The following UGGT2 variants were observed in gnomAD, a reference collection of about 807,000 sequenced individuals.
UGGT2 encodes the protein UDP-glucose glycoprotein glucosyltransferase 2.
In UGGT2, 180 loss-of-function variants were observed where a neutral mutation model predicts 192.1. That is an observed-to-expected ratio of 0.94 (90% confidence interval 0.83 to 1.06). The LOEUF is 1.06. UGGT2 is among the 50% of genes least tolerant of loss of function. The probability of loss-of-function intolerance (pLI) is 0.00; values close to 1 mark genes in which losing one functional copy is unlikely to be tolerated. For synonymous variants in UGGT2, 580 were observed against 591.0 expected, an observed-to-expected ratio of 0.98 and a Z score of 0.27; for missense variants, 1,849 against 1,795.7, an observed-to-expected ratio of 1.03 and a Z score of -0.54.
chr13:95,821,180 G>A (rs899685331), intron 38 of UGGT2, among the ~76,000 whole-genome samples: 6 of 151,994 alleles, frequency 3.9e-5, no homozygotes, highest in Admixed American at 6.6e-5. Context: ...TTTCCATAGA[G>A]GCTGCACTAA....
chr13:95,991,607 C>A lies in UGGT2; in HGVS notation c.831-1534G>T, dbSNP rs73562932. Reference sequence around the variant, plus strand: ...GTGGGATCATGTTTTGAAAACAAATCAAAATTGCTATGATAATAAAAGTAC... The same window carrying A: ...GTGGGATCATGTTTTGAAAACAAATAAAAATTGCTATGATAATAAAAGTAC... On this transcript the variant is annotated intron_variant, in intron 7 of 38. Coordinates refer to ENST00000376747, the MANE Select transcript of UGGT2 (RefSeq NM_020121.4). The A allele has an allele frequency of 8.6e-3, 1,775 of 207,138 alleles. 38 individuals are homozygous for A. Among genetic ancestry groups the A allele is most frequent in the African/African-American group, 0.038 (1,665 of 43,468 alleles). The allele number at this position is 207,138 out of a possible 1,614,324, so 12.8% of individuals were successfully genotyped here.
chr13:95,935,283 G>A (rs759721010), intron 17 of UGGT2, among the ~76,000 whole-genome samples: 1 of 152,132 alleles, frequency 6.6e-6, no homozygotes, highest in Non-Finnish European at 1.5e-5. Context: ...ATGCTTTATA[G>A]GGTCTGTGGG....
chr13:95,974,225 T>G lies in UGGT2; in HGVS notation c.1093-1554A>C, dbSNP rs79373361. On this transcript the variant is annotated intron_variant, in intron 10 of 38. Coordinates refer to ENST00000376747, the MANE Select transcript of UGGT2 (RefSeq NM_020121.4). ...ATGAAAAGGTTCAGAGGTAAAATTTTTATTTGTCTTTAGCTACTTTAGATG... is the reference window on the plus strand; with the variant it reads ...ATGAAAAGGTTCAGAGGTAAAATTTGTATTTGTCTTTAGCTACTTTAGATG... Among the ~76,000 whole-genome samples, 988 of 152,328 alleles carry G rather than the reference T, an allele frequency of 6.5e-3. 10 individuals are homozygous for G. Among genetic ancestry groups the G allele is most frequent in the African/African-American group, 0.023 (950 of 41,578 alleles).
chr13:95,873,210 A>G (rs1405211215), intron 29 of UGGT2, among the ~76,000 whole-genome samples: 7 of 152,254 alleles, frequency 4.6e-5, no homozygotes, highest in Admixed American at 3.3e-4. Flanking sequence ...TCTTAAAATT[A>G]TATCTTGAAA....
At chr13:95,841,681 C>A (rs903047023) in intron 36 of UGGT2, among the ~76,000 whole-genome samples, 1 of 152,214 alleles carries the variant, frequency 6.6e-6, no homozygotes. Context: ...TTAAAGCATA[C>A]AAGTCTTTAA....
At chr13:95,868,492 G>A (rs960371687) in intron 29 of UGGT2, among the ~76,000 whole-genome samples, 1 of 152,144 alleles carries the variant, frequency 6.6e-6, no homozygotes, top group Non-Finnish European at 1.5e-5. Context: ...AGCTAGTCAG[G>A]AGGCTGAAGT....
chr13:95,911,714 A>G (rs1410848518), intron 20 of UGGT2, among the ~76,000 whole-genome samples: 7 of 151,488 alleles, frequency 4.6e-5, no homozygotes, highest in African/African-American at 1.7e-4. Flanking sequence ...AAAAAGAGAG[A>G]ATCCTCCCTA....
intron 16 of UGGT2, 83 bp downstream of exon 16, chr13:95,939,874 A>T: frequency 1.7e-6 from 2 of 1,188,644 alleles, no homozygotes; most frequent in Non-Finnish European, 2.3e-6. Context: ...GACTTTTTTT[A>T]AAGATTCTAC....
intron 20 of UGGT2, among the ~76,000 whole-genome samples, chr13:95,911,967 C>T (rs1331477396): frequency 1.3e-5 from 2 of 152,172 alleles, no homozygotes; most frequent in African/African-American, 4.8e-5. Context: ...ATCATATAAA[C>T]AGAATCAACA....
chr13:95,871,125 A>T (rs567305422), intron 29 of UGGT2, among the ~76,000 whole-genome samples: 15 of 152,252 alleles, frequency 9.9e-5, no homozygotes, highest in Non-Finnish European at 1.9e-4. Flanking sequence ...ACTGTGATCA[A>T]TAGTGAATTC....
intron 22 of UGGT2, among the ~76,000 whole-genome samples, chr13:95,900,473 C>A (rs1320963272): frequency 6.6e-6 from 1 of 152,142 alleles, no homozygotes; most frequent in African/African-American, 2.4e-5. Context: ...ACTTGCTACA[C>A]CTACTACAAC....
intron 36 of UGGT2, among the ~76,000 whole-genome samples, chr13:95,838,847 T>C (rs1435544953): frequency 6.6e-6 from 1 of 152,100 alleles, no homozygotes; most frequent in African/African-American, 2.4e-5. Flanking sequence ...ATACTTTCAA[T>C]TTCATGGTGC....
chr13:95,976,476 A>T (rs2050941017), intron 10 of UGGT2, among the ~76,000 whole-genome samples: 1 of 151,578 alleles, frequency 6.6e-6, no homozygotes, highest in South Asian at 2.1e-4. Flanking sequence ...TCTATTTTTC[A>T]TTTTTTTTGT....
intron 20 of UGGT2, among the ~76,000 whole-genome samples, chr13:95,907,642 A>G (rs1398846747): frequency 2.6e-5 from 4 of 152,224 alleles, no homozygotes; most frequent in Non-Finnish European, 5.9e-5. Context: ...ACTCCAACAG[A>G]CTTGCAGCTG....
rs1030483102 is a variant in UGGT2 at position 95,877,354 on chromosome 13, T to C, written c.3398A>G (p.Gln1133Arg). The change falls in exon 29 of 39, where the codon CAA becomes CGA. Residue 1133 changes from glutamine to arginine, a missense_variant. Coordinates refer to ENST00000376747, the MANE Select transcript of UGGT2 (RefSeq NM_020121.4). ...CCAAGCACCTGGGTTTGCTTTTAAT[T>C]GAAAATACCCCTTTTAAGATGAGAA... ...TIVMAHHGYF[Q>R]LKANPGAWIL... 6.2e-7 allele frequency: 1 copy of C among 1,605,758 alleles called. No homozygotes were observed. Among genetic ancestry groups the C allele is most frequent in the Non-Finnish European group, 8.5e-7 (1 of 1,177,400 alleles).
At chr13:95,844,735 A>C (rs1179987002) in intron 36 of UGGT2, among the ~76,000 whole-genome samples, 2 of 152,202 alleles carry the variant, frequency 1.3e-5, no homozygotes, top group East Asian at 3.8e-4. Flanking sequence ...TTACCCGTCC[A>C]AGACAGCCAG....
intron 38 of UGGT2, among the ~76,000 whole-genome samples, chr13:95,828,674 T>C (rs1886312136): frequency 6.6e-6 from 1 of 151,984 alleles, no homozygotes; most frequent in Non-Finnish European, 1.5e-5. Flanking sequence ...AGGCAATAAT[T>C]AAGAGCCTAC....
At chr13:96,009,743 G>C (rs1594565455) in intron 5 of UGGT2, among the ~76,000 whole-genome samples, 1 of 152,162 alleles carries the variant, frequency 6.6e-6, no homozygotes, top group South Asian at 2.1e-4. Context: ...AAGAGGCGGA[G>C]GTTGCAGTGA....
intron 24 of UGGT2, among the ~76,000 whole-genome samples, chr13:95,891,199 C>G (rs2047791792): frequency 6.6e-6 from 1 of 151,930 alleles, no homozygotes; most frequent in Non-Finnish European, 1.5e-5. Context: ...TTTTTAAAAG[C>G]CTTTCAAAGA....
Sources: allele counts gnomAD v4.1 joint callset (sites outside exome capture counted in the v4.1 genomes callset), GRCh38; gene constraint gnomAD v4.1.1; transcripts MANE v1.5; gene names NCBI Gene and HGNC (gene_info 2026-07-23, HGNC 2026-07-21).